The following ZNF385D variants were observed in gnomAD, a reference collection of about 807,000 sequenced individuals.
ZNF385D encodes the protein zinc finger protein 385D.
A neutral mutation model predicts 35.8 loss-of-function variants in ZNF385D; 15 were observed. The ratio of observed to expected loss-of-function variants is 0.42; its 90% CI spans 0.28 to 0.64. The LOEUF is 0.64. Ranked by LOEUF, ZNF385D falls within the 30% of genes least tolerant of loss-of-function variation. ZNF385D has a pLI of 0.23. For synonymous variants in ZNF385D, 212 were observed against 186.8 expected, an observed-to-expected ratio of 1.13 and a Z score of -1.10; for missense variants, 474 against 494.6, an observed-to-expected ratio of 0.96 and a Z score of 0.39.
chr3:21,853,969 A>G (rs1696562873), intron 3 of ZNF385D, among the ~76,000 whole-genome samples: 1 of 151,894 alleles, frequency 6.6e-6, no homozygotes, highest in Admixed American at 6.6e-5. Flanking sequence ...AAATAATTTA[A>G]TATTCTGGGA....
At chr3:21,490,434 C>A (rs1258626966) in intron 4 of ZNF385D, among the ~76,000 whole-genome samples, 1 of 152,180 alleles carries the variant, frequency 6.6e-6, no homozygotes, top group Non-Finnish European at 1.5e-5. Flanking sequence ...TCTTACAATA[C>A]AATGTGACTG....
intron 3 of ZNF385D, among the ~76,000 whole-genome samples, chr3:22,125,731 G>A (rs918589178): frequency 3.9e-5 from 6 of 151,988 alleles, no homozygotes; most frequent in Non-Finnish European, 7.4e-5. Flanking sequence ...TTCACTGTTG[G>A]CATATAGAAA....
chr3:22,004,768 T>G (rs1228132361), intron 3 of ZNF385D, among the ~76,000 whole-genome samples: 2 of 152,140 alleles, frequency 1.3e-5, no homozygotes, highest in Non-Finnish European at 2.9e-5. Flanking sequence ...GAATGCAACC[T>G]TTTGTCCTTA....
intron 2 of ZNF385D, among the ~76,000 whole-genome samples, chr3:22,270,805 T>A (rs1041359926): frequency 6.6e-6 from 1 of 152,164 alleles, no homozygotes; most frequent in East Asian, 1.9e-4. Flanking sequence ...GTAGCTTTAA[T>A]AAATGTATTG....
intron 2 of ZNF385D, among the ~76,000 whole-genome samples, chr3:22,196,394 GATTAT>G (rs1443718967): frequency 2.0e-5 from 3 of 151,908 alleles, no homozygotes; most frequent in Admixed American, 6.6e-5. Flanking sequence ...ATTGTCACTT[GATTAT>G]ATTATTTACA....
At chr3:22,046,472 C>T (rs1014042797) in intron 3 of ZNF385D, among the ~76,000 whole-genome samples, 22 of 152,032 alleles carry the variant, frequency 1.4e-4, no homozygotes, top group African/African-American at 5.3e-4. Flanking sequence ...TTTAATCCGA[C>T]CAAAAAATCT....
Position 21,465,846 on chromosome 3 carries a change from C to T in ZNF385D, c.440-28643G>A, listed in dbSNP as rs542532407. Among the ~76,000 whole-genome samples, 5 of 152,152 alleles carry T rather than the reference C, an allele frequency of 3.3e-5. No individual in the cohort carries two copies. The highest frequency in any genetic ancestry group is 1.2e-4 in the African/African-American group (5 of 41,514). ...TCAGATGCCCTTCCTGCAGGCTGAC[C>T]CACTCTCAGGCTACACAACACTCAT... On this transcript the variant is annotated intron_variant, in intron 4 of 7. Coordinates refer to ENST00000281523, the MANE Select transcript of ZNF385D (RefSeq NM_024697.3). This position sits in a 1 kb window ranked among gnomAD's most constrained non-coding sequence, Gnocchi z 4.2.
chr3:21,431,646 A>G (rs1341327269), intron 5 of ZNF385D, among the ~76,000 whole-genome samples: 2 of 152,172 alleles, frequency 1.3e-5, no homozygotes, highest in African/African-American at 4.8e-5. Context: ...TGTGGAGCAC[A>G]GGGAGTTATG....
At chr3:22,202,262 A>G (rs946091513) in intron 2 of ZNF385D, among the ~76,000 whole-genome samples, 11 of 152,134 alleles carry the variant, frequency 7.2e-5, no homozygotes, top group African/African-American at 2.7e-4. Context: ...TGTTTCTGGC[A>G]TCTGTTACTG....
At chr3:21,580,787 ATGTT>A (rs1228294449) in intron 2 of ZNF385D, among the ~76,000 whole-genome samples, 8 of 145,630 alleles carry the variant, frequency 5.5e-5, no homozygotes, top group Non-Finnish European at 1.1e-4. Context: ...ATATATATGT[ATGTT>A]TGTGTCTATG....
At chr3:21,880,153 T>C (rs1191090406) in intron 3 of ZNF385D, among the ~76,000 whole-genome samples, 1 of 151,922 alleles carries the variant, frequency 6.6e-6, no homozygotes, top group African/African-American at 2.4e-5. Context: ...AAAATGACTA[T>C]AAAAGAATGA....
At chr3:21,792,693 C>A (rs1303252895) in intron 3 of ZNF385D, among the ~76,000 whole-genome samples, 1 of 152,074 alleles carries the variant, frequency 6.6e-6, no homozygotes, top group African/African-American at 2.4e-5. Flanking sequence ...GCCCTAGACC[C>A]CCTTTTAGTC....
intron 3 of ZNF385D, among the ~76,000 whole-genome samples, chr3:21,982,434 G>C (rs371894895): frequency 1.3e-5 from 2 of 152,064 alleles, no homozygotes; most frequent in African/African-American, 4.8e-5. Context: ...CATTGACTTT[G>C]TATCCTCTAA....
intron 2 of ZNF385D, among the ~76,000 whole-genome samples, chr3:22,244,740 G>A (rs1379575826): frequency 9.9e-5 from 15 of 150,950 alleles, no homozygotes; most frequent in Non-Finnish European, 4.4e-5. Flanking sequence ...GGTATTTAAT[G>A]CCTCAGGTAT....
At chr3:21,672,003 C>T (rs2066591232) in intron 1 of ZNF385D, among the ~76,000 whole-genome samples, 2 of 152,088 alleles carry the variant, frequency 1.3e-5, no homozygotes, top group African/African-American at 2.4e-5. Context: ...TGTCACATTC[C>T]CTTGCATGTC....
At chr3:22,006,111 T>C (rs1438133531) in intron 3 of ZNF385D, among the ~76,000 whole-genome samples, 1 of 152,112 alleles carries the variant, frequency 6.6e-6, no homozygotes, top group Non-Finnish European at 1.5e-5. Context: ...CATATGATGA[T>C]CTGGGCTTAG....
chr3:22,257,509 T>C (rs141068747), intron 2 of ZNF385D, among the ~76,000 whole-genome samples: 3 of 151,968 alleles, frequency 2.0e-5, no homozygotes, highest in African/African-American at 4.8e-5. Context: ...TATTCTATTA[T>C]ACTCTCATAA....
At chr3:22,186,523 T>C (rs536150358) in intron 2 of ZNF385D, among the ~76,000 whole-genome samples, 6 of 152,172 alleles carry the variant, frequency 3.9e-5, no homozygotes. Context: ...CCTGAAGTTA[T>C]AAAATTATTG....
intron 2 of ZNF385D, among the ~76,000 whole-genome samples, chr3:21,574,196 T>C (rs1261422047): frequency 6.6e-6 from 1 of 152,022 alleles, no homozygotes; most frequent in African/African-American, 2.4e-5. Flanking sequence ...ATGTCACCTA[T>C]GAGGAAGTCT....
Sources: allele counts gnomAD v4.1 joint callset (sites outside exome capture counted in the v4.1 genomes callset), GRCh38; gene constraint gnomAD v4.1.1; non-coding constraint Gnocchi (gnomAD v3.1); transcripts MANE v1.5; gene names NCBI Gene and HGNC (gene_info 2026-07-23, HGNC 2026-07-21).